Variants in USP13 observed in about 807,000 individuals in gnomAD.
USP13 encodes ubiquitin specific peptidase 13, also known as ubiquitin carboxyl-terminal hydrolase 13.
USP13 carries 68 observed loss-of-function variants against 107.8 expected under a neutral mutation model. The ratio of observed to expected loss-of-function variants is 0.63; its 90% CI spans 0.52 to 0.77. USP13 has a LOEUF of 0.77. Among genes scored for constraint, USP13 ranks in the 30% least tolerant of loss-of-function variants. USP13 has a pLI of 0.00. For missense variants in USP13, 945 were observed against 1,093.3 expected (o/e 0.86, Z 1.91); for synonymous variants, 377 against 389.5 (o/e 0.97, Z 0.38).
At chr3:179,769,350 A>G (rs1261519300) in intron 19 of USP13, among the ~76,000 whole-genome samples, 2 of 152,340 alleles carry the variant, frequency 1.3e-5, no homozygotes, top group South Asian at 2.1e-4. Flanking sequence ...ATTATTACAG[A>G]AAGAGTTTCA....
At chr3:179,743,619 G>A (rs1477276485) in intron 12 of USP13, among the ~76,000 whole-genome samples, 1 of 152,112 alleles carries the variant, frequency 6.6e-6, no homozygotes, top group Non-Finnish European at 1.5e-5. Flanking sequence ...TTGTTTCCTT[G>A]TTAGAACTAG....
Position 179,655,881 on chromosome 3 carries a change from A to G in USP13, c.168+2488A>G, listed in dbSNP as rs573928143. Reference sequence around the variant, plus strand: ...ATTTTGTTATGGTATGTAACACTATACTATGAATCCAATAAGGGATTCTTC... The same window carrying G: ...ATTTTGTTATGGTATGTAACACTATGCTATGAATCCAATAAGGGATTCTTC... On this transcript the variant is annotated intron_variant, in intron 1 of 20. Transcript: ENST00000263966. 2.0e-5 allele frequency among the ~76,000 whole-genome samples: 3 copies of G among 152,318 alleles called. No homozygotes were observed. The South Asian group carries it at 6.2e-4, about 32-fold the overall frequency.
intron 1 of USP13, among the ~76,000 whole-genome samples, chr3:179,655,557 G>GTTTGTTTTTTTTT (rs1560036520): frequency 1.2e-5 from 1 of 80,686 alleles, no homozygotes; most frequent in African/African-American, 3.2e-5. Flanking sequence ...GGTTTTTTTT[G>GTTTGTTTTTTTTT]TTTTGTTTTG....
chr3:179,680,208 AAGAG>A (rs919000467), intron 1 of USP13, among the ~76,000 whole-genome samples: 13 of 151,784 alleles, frequency 8.6e-5, no homozygotes, highest in East Asian at 1.9e-4. Context: ...AACAAAAAGA[AAGAG>A]AGAGAGAGAG....
chr3:179,704,525 A>C (rs562877234), intron 4 of USP13, among the ~76,000 whole-genome samples: 4 of 152,210 alleles, frequency 2.6e-5, no homozygotes, highest in Non-Finnish European at 5.9e-5. Context: ...ATCCTTCTTC[A>C]GCTTAAAACT....
At chr3:179,781,928 C>G in intron 20 of USP13, 105 bp downstream of exon 20, 1 of 1,052,736 alleles carries the variant, frequency 9.5e-7, no homozygotes, top group East Asian at 2.5e-5. Flanking sequence ...TTGGTTCTCA[C>G]ATTGGTCTTG....
At chr3:179,743,340 C>T (rs1390449415) in intron 12 of USP13, among the ~76,000 whole-genome samples, 2 of 151,616 alleles carry the variant, frequency 1.3e-5, no homozygotes, top group Non-Finnish European at 2.9e-5. Context: ...TGTAACAGAC[C>T]TGCACGTTCT....
At chr3:179,744,143 C>A (rs769106594) in intron 12 of USP13, among the ~76,000 whole-genome samples, 3 of 152,058 alleles carry the variant, frequency 2.0e-5, no homozygotes, top group Admixed American at 6.5e-5. Flanking sequence ...GTAACCTCCA[C>A]AGGAAGTTGT....
chr3:179,751,412 A>T (rs1405995604), intron 13 of USP13, among the ~76,000 whole-genome samples: 1 of 152,142 alleles, frequency 6.6e-6, no homozygotes, highest in Non-Finnish European at 1.5e-5. Context: ...GCAGTATTTT[A>T]ATGAGGCCCT....
chr3:179,703,840 G>A (rs767164835), intron 4 of USP13, among the ~76,000 whole-genome samples: 2 of 152,172 alleles, frequency 1.3e-5, no homozygotes, highest in African/African-American at 2.4e-5. Context: ...TTGATTATAT[G>A]TCACCTTTTG....
intron 19 of USP13, among the ~76,000 whole-genome samples, chr3:179,778,845 C>T (rs911137350): frequency 6.6e-6 from 1 of 151,268 alleles, no homozygotes; most frequent in African/African-American, 2.4e-5. Context: ...ATAAGGGAAA[C>T]GGGAGCAACA....
intron 7 of USP13, among the ~76,000 whole-genome samples, chr3:179,720,343 G>A (rs1348496903): frequency 6.6e-6 from 1 of 152,130 alleles, no homozygotes; most frequent in Non-Finnish European, 1.5e-5. Context: ...CTTTGTTCGC[G>A]AAACGCAGAT....
In USP13 at chr3:179,653,391, C is replaced by G. The variant is rs925927683; in HGVS notation, c.166C>G (p.Pro56Ala). The part of the protein sequence containing the change: ...KNECAFSYDS[P>A]NSEGGLYVCM... ...CGAGTGCGCCTTCTCCTACGACTCT[C>G]CCGTAAGTGAGGCGCCTCGGGGGAG... Residue 56 changes from proline to alanine, a missense_variant and splice_region_variant, in exon 1 of 21, where the codon CCC (proline) becomes GCC (alanine). By Grantham distance (27) the Pro-to-Ala change is conservative. Coordinates refer to ENST00000263966, the MANE Select transcript of USP13 (RefSeq NM_003940.3). This position sits in a 1 kb window ranked among gnomAD's most constrained non-coding sequence, Gnocchi z 4.0. 1.3e-6 allele frequency: 2 copies of G among 1,557,726 alleles called. No individual in the cohort carries two copies. Among genetic ancestry groups the G allele is most frequent in the African/African-American group, 1.4e-5 (1 of 73,522 alleles).
At chr3:179,702,314 C>T (rs947749187) in intron 4 of USP13, among the ~76,000 whole-genome samples, 8 of 152,156 alleles carry the variant, frequency 5.3e-5, no homozygotes, top group Non-Finnish European at 1.2e-4. Flanking sequence ...CCACCGCGCC[C>T]GGCCTGGTCT....
At chr3:179,779,974 A>C (rs1715688358) in intron 19 of USP13, among the ~76,000 whole-genome samples, 1 of 152,144 alleles carries the variant, frequency 6.6e-6, no homozygotes, top group African/African-American at 2.4e-5. Flanking sequence ...GTGAGAGAGA[A>C]GGCAAGATTT....
chr3:179,681,752 C>T, intron 1 of USP13, 126 bp from the exon 2 acceptor site: 1 of 1,223,810 alleles, frequency 8.2e-7, no homozygotes, highest in South Asian at 1.5e-5. Flanking sequence ...GGTATCACAG[C>T]AGGAGCCTCG....
intron 13 of USP13, among the ~76,000 whole-genome samples, chr3:179,746,183 A>G (rs1303624154): frequency 6.8e-6 from 1 of 147,522 alleles, no homozygotes; most frequent in Non-Finnish European, 1.5e-5. Flanking sequence ...CAACCTATAT[A>G]TATATATATA....
At chr3:179,675,174 CAAA>C (rs749528708) in intron 1 of USP13, among the ~76,000 whole-genome samples, 1 of 128,768 alleles carries the variant, frequency 7.8e-6, no homozygotes, top group Non-Finnish European at 1.7e-5. Flanking sequence ...CACTCCATCT[CAAA>C]AAAAAAAAAA....
chr3:179,701,138 G>C lies in USP13; in HGVS notation c.477+9G>C. On this transcript the variant is annotated intron_variant, in intron 4 of 20. Coordinates refer to ENST00000263966, the MANE Select transcript of USP13 (RefSeq NM_003940.3). ...AGGAGTTACCAGCCCTGGTCAGTGA[G>C]TGTGCACGGCTGCTAGCTAGATGCG... is the stretch of plus-strand genomic sequence containing the variant. The C allele has an allele frequency of 6.3e-7, 1 of 1,594,676 alleles. No homozygotes were observed. The highest frequency in any genetic ancestry group is 8.6e-7 in the Non-Finnish European group (1 of 1,168,178).
Sources: gnomAD v4.1 joint callset for allele counts (sites outside exome capture counted in the v4.1 genomes callset) on GRCh38, gnomAD v4.1.1 for gene constraint, Gnocchi (gnomAD v3.1) non-coding constraint, MANE v1.5 for transcripts, NCBI Gene and HGNC (gene_info 2026-07-23, HGNC 2026-07-21) for gene names.